TWSG1: variants seen among roughly 807,000 people sequenced by gnomAD.
TWSG1 encodes the protein twisted gastrulation protein homolog 1.
In TWSG1, 15 loss-of-function variants were observed where a neutral mutation model predicts 23.0. The ratio of observed to expected loss-of-function variants is 0.65; its 90% CI spans 0.44 to 1.00. The LOEUF (loss-of-function observed/expected upper bound fraction) is 1.00. TWSG1 is among the 50% of genes least tolerant of loss of function. TWSG1 has a pLI of 0.00. For missense variants in TWSG1, 242 were observed against 278.7 expected (o/e 0.87, Z 0.94); for synonymous variants, 86 against 92.8 (o/e 0.93, Z 0.42).
chr18:9,368,257 A>C (rs1239881479), intron 3 of TWSG1, among the ~76,000 whole-genome samples: 1 of 152,120 alleles, frequency 6.6e-6, no homozygotes, highest in Admixed American at 6.5e-5. Flanking sequence ...GCTGGAGTGC[A>C]GTGGCATGAT....
chr18:9,367,371 A>G (rs931596200), intron 3 of TWSG1, among the ~76,000 whole-genome samples: 10 of 152,158 alleles, frequency 6.6e-5, no homozygotes, highest in African/African-American at 9.7e-5. Context: ...GCTCCTGGTA[A>G]CCATTCTGCT....
chr18:9,340,522 T>A (rs1399104482), intron 2 of TWSG1, among the ~76,000 whole-genome samples: 1 of 152,220 alleles, frequency 6.6e-6, no homozygotes, highest in Non-Finnish European at 1.5e-5. Flanking sequence ...TCTAGCAGAT[T>A]ATTTCACATT....
chr18:9,392,687 A>C (rs2040718104), intron 3 of TWSG1, among the ~76,000 whole-genome samples: 1 of 152,200 alleles, frequency 6.6e-6, no homozygotes, highest in Non-Finnish European at 1.5e-5. Flanking sequence ...TGCCATCTTC[A>C]CTAAGCTTTC....
At chr18:9,356,204 C>T (rs2040526323) in intron 2 of TWSG1, among the ~76,000 whole-genome samples, 1 of 152,188 alleles carries the variant, frequency 6.6e-6, no homozygotes, top group Non-Finnish European at 1.5e-5. Flanking sequence ...AAGCAGTAAG[C>T]ATATGACTAC....
chr18:9,350,451 C>T (rs998103540), intron 2 of TWSG1, among the ~76,000 whole-genome samples: 36 of 152,258 alleles, frequency 2.4e-4, no homozygotes, highest in African/African-American at 8.4e-4. Context: ...ATAACCCCCC[C>T]ATTTACCCAT....
rs1262630807 is a variant in TWSG1 at position 9,400,776 on chromosome 18, T to A, written c.*1249T>A. The A allele has an allele frequency of 1.3e-5, 2 of 152,208 alleles. No individual in the cohort carries two copies. The highest frequency in any genetic ancestry group is 4.8e-5 in the African/African-American group (2 of 41,464). 9.4% of individuals were successfully genotyped at this position (152,208 alleles called of 1,614,324 possible). On this transcript the variant is annotated 3_prime_UTR_variant, in exon 5 of 5. Transcript: ENST00000262120. ...GTCAACATTTTATATAATGTTTCAA[T>A]AAATGTTTCTTTCAATAAAGATACT...
At chr18:9,360,901 T>C (rs2040549780) in intron 3 of TWSG1, among the ~76,000 whole-genome samples, 2 of 152,214 alleles carry the variant, frequency 1.3e-5, no homozygotes, top group African/African-American at 2.4e-5. Context: ...AATAACCCTA[T>C]ACTACTCTCT....
intron 3 of TWSG1, among the ~76,000 whole-genome samples, chr18:9,369,989 G>A (rs2040597090): frequency 6.6e-6 from 1 of 151,888 alleles, no homozygotes; most frequent in Non-Finnish European, 1.5e-5. Flanking sequence ...GTCTGTTTTT[G>A]CTTTTGTTCC....
intron 3 of TWSG1, among the ~76,000 whole-genome samples, chr18:9,374,039 A>G (rs1234090872): frequency 2.0e-5 from 3 of 152,234 alleles, no homozygotes; most frequent in Non-Finnish European, 2.9e-5. Flanking sequence ...GAGGGATGCC[A>G]TGAAAGCAGT....
intron 3 of TWSG1, among the ~76,000 whole-genome samples, chr18:9,383,183 G>C (rs903679601): frequency 1.3e-5 from 1 of 75,338 alleles, no homozygotes; most frequent in Non-Finnish European, 2.6e-5. Context: ...CGAATTACAC[G>C]TTTTTTTTTT....
At chr18:9,375,037 G>A (rs556169472) in intron 3 of TWSG1, among the ~76,000 whole-genome samples, 1 of 152,104 alleles carries the variant, frequency 6.6e-6, no homozygotes, top group East Asian at 1.9e-4. Context: ...CGTGGTGGCG[G>A]ACGCCTGTAG....
chr18:9,346,414 T>G lies in TWSG1; in HGVS notation c.123+9062T>G, dbSNP rs147847485. Among the ~76,000 whole-genome samples, 777 of 152,328 alleles carry G rather than the reference T, an allele frequency of 5.1e-3. 4 individuals are homozygous for G. Among genetic ancestry groups the G allele is most frequent in the Non-Finnish European group, 6.5e-3 (441 of 68,026 alleles). ...TATTGCACTCACTGATTAGTATGGA[T>G]GTACTAGAGTTTGTTTATCCATTCA... is the stretch of plus-strand genomic sequence containing the variant. On this transcript the variant is annotated intron_variant, in intron 2 of 4. Coordinates refer to ENST00000262120, the MANE Select transcript of TWSG1 (RefSeq NM_020648.6).
Position 9,348,617 on chromosome 18 carries a change from C to T in TWSG1, c.123+11265C>T, listed in dbSNP as rs111454222. 3.3e-3 allele frequency among the ~76,000 whole-genome samples: 496 copies of T among 152,240 alleles called. 3 individuals are homozygous for T. Among genetic ancestry groups the T allele is most frequent in the Middle Eastern group, 0.02 (6 of 294 alleles). ...ATTAAAATTCCACTTTCATGTTCTG[C>T]GAAGTACAGGGCACATTGACATTTT... On this transcript the variant is annotated intron_variant, in intron 2 of 4. Transcript: ENST00000262120.
At chr18:9,396,228 C>G in intron 3 of TWSG1, 52 bp from the exon 4 acceptor site, 1 of 1,504,540 alleles carries the variant, frequency 6.6e-7, no homozygotes, top group Non-Finnish European at 9.2e-7. Flanking sequence ...TGTTATAGCT[C>G]TGATTGCAAG....
At chr18:9,395,873 T>A (rs1187283942) in intron 3 of TWSG1, among the ~76,000 whole-genome samples, 1 of 152,194 alleles carries the variant, frequency 6.6e-6, no homozygotes, top group East Asian at 1.9e-4. Flanking sequence ...AGCTTATTAT[T>A]ATTTTAATGC....
At chr18:9,369,657 C>T (rs559837821) in intron 3 of TWSG1, among the ~76,000 whole-genome samples, 3 of 152,100 alleles carry the variant, frequency 2.0e-5, no homozygotes, top group South Asian at 4.1e-4. Flanking sequence ...GGTCTTCTTC[C>T]GTTGCTCAGG....
chr18:9,338,862 T>A (rs2040433669), intron 2 of TWSG1, among the ~76,000 whole-genome samples: 1 of 152,234 alleles, frequency 6.6e-6, no homozygotes, highest in South Asian at 2.1e-4. Context: ...ATTATATTCT[T>A]GACTCTTCAA....
chr18:9,361,729 C>T (rs765206923), intron 3 of TWSG1, among the ~76,000 whole-genome samples: 1 of 152,186 alleles, frequency 6.6e-6, no homozygotes, highest in Non-Finnish European at 1.5e-5. Flanking sequence ...GTTTTTTTCC[C>T]ATACTCATCT....
intron 3 of TWSG1, among the ~76,000 whole-genome samples, chr18:9,371,512 G>T (rs2040605120): frequency 1.3e-5 from 2 of 152,056 alleles, no homozygotes; most frequent in South Asian, 2.1e-4. Context: ...GGCCAAGCTG[G>T]TCTCAAACTC....
Sources: allele counts gnomAD v4.1 joint callset (sites outside exome capture counted in the v4.1 genomes callset), GRCh38; gene constraint gnomAD v4.1.1; transcripts MANE v1.5; gene names NCBI Gene and HGNC (gene_info 2026-07-23, HGNC 2026-07-21).